Variants in RBFOX1 observed in about 807,000 individuals in gnomAD.
The protein encoded by RBFOX1 is RNA binding fox-1 homolog 1, also known as RNA binding protein fox-1 homolog 1.
In RBFOX1, 8 loss-of-function variants were observed where a neutral mutation model predicts 57.7. That is an observed-to-expected ratio of 0.14 (90% CI 0.08 to 0.25). RBFOX1 has a LOEUF of 0.25. Among genes scored for constraint, RBFOX1 ranks in the 10% least tolerant of loss-of-function variants. The pLI is 1.00. For synonymous variants in RBFOX1, 326 were observed against 222.4 expected, an observed-to-expected ratio of 1.47 and a Z score of -4.15; for missense variants, 611 against 548.5, an observed-to-expected ratio of 1.11 and a Z score of -1.14.
chr16:6,066,677 C>A (rs371522765), intron 1 of RBFOX1, among the ~76,000 whole-genome samples: 3 of 152,000 alleles, frequency 2.0e-5, no homozygotes, highest in Admixed American at 1.3e-4. Context: ...GGAAGTCTCC[C>A]GAAATAGATG....
At chr16:7,101,494 A>G (rs944488468) in intron 4 of RBFOX1, among the ~76,000 whole-genome samples, 7 of 152,174 alleles carry the variant, frequency 4.6e-5, no homozygotes, top group Non-Finnish European at 7.4e-5. Flanking sequence ...ACTGAGATTC[A>G]GAAAGAGACC....
intron 3 of RBFOX1, among the ~76,000 whole-genome samples, chr16:5,641,035 CATGCACACACAT>C (rs1395261255): frequency 6.6e-6 from 1 of 150,906 alleles, no homozygotes; most frequent in East Asian, 2.0e-4. Flanking sequence ...CATAAACACC[CATGCACACACAT>C]ATGCACATAC....
chr16:7,684,261 A>G (rs2075569675), intron 14 of RBFOX1, among the ~76,000 whole-genome samples: 1 of 152,094 alleles, frequency 6.6e-6, no homozygotes, highest in Non-Finnish European at 1.5e-5. Context: ...TTCCTGTGGA[A>G]TTAGGCACTT....
chr16:6,843,461 G>T (rs1168330240), intron 3 of RBFOX1, among the ~76,000 whole-genome samples: 1 of 152,092 alleles, frequency 6.6e-6, no homozygotes, highest in African/African-American at 2.4e-5. Flanking sequence ...GGCTGAGGCG[G>T]GCAGATCACG....
rs141295940 is a variant in RBFOX1, at chr16:6,931,504, C to T, written c.-15-120553C>T. Reference sequence around the variant, plus strand: ...GTAGAACCTACTACATCAATGAGAACACTCATTTTAAGGCTGGGGACATCT... The same window carrying T: ...GTAGAACCTACTACATCAATGAGAATACTCATTTTAAGGCTGGGGACATCT... On this transcript the variant is annotated intron_variant, in intron 3 of 15. Coordinates refer to ENST00000550418, the MANE Select transcript of RBFOX1 (RefSeq NM_018723.4). Among the ~76,000 whole-genome samples, 951 of 152,224 alleles carry T rather than the reference C, an allele frequency of 6.2e-3. 14 individuals are homozygous for T. The highest frequency in any genetic ancestry group is 0.021 in the African/African-American group (870 of 41,542).
rs551705195 is a variant in RBFOX1 at position 6,902,487 on chromosome 16, A to G, written c.-15-149570A>G. On this transcript the variant is annotated intron_variant, in intron 3 of 15. Coordinates refer to ENST00000550418, the MANE Select transcript of RBFOX1 (RefSeq NM_018723.4). ...TTGTAATCCTAGCACTTTGAGAGGC[A>G]GGGTGGGGAGAATCACTTGAGGGCA... Among the ~76,000 whole-genome samples the G allele has an allele frequency of 9.4e-4, 143 of 152,260 alleles. 5 individuals are homozygous for G. In the South Asian group the frequency reaches 0.029, roughly 30 times the overall value.
intron 4 of RBFOX1, among the ~76,000 whole-genome samples, chr16:7,416,685 C>T (rs926243914): frequency 6.6e-6 from 1 of 152,076 alleles, no homozygotes; most frequent in African/African-American, 2.4e-5. Flanking sequence ...CATTTAATCT[C>T]TGAGAAAATA....
chr16:5,901,175 C>G (rs2058297056), intron 4 of RBFOX1, among the ~76,000 whole-genome samples: 3 of 152,214 alleles, frequency 2.0e-5, no homozygotes, highest in Admixed American at 6.5e-5. Flanking sequence ...TGGACCCTCT[C>G]AGCTTACCAT....
At chr16:6,203,321 C>G (rs1203146002) in intron 1 of RBFOX1, among the ~76,000 whole-genome samples, 2 of 152,130 alleles carry the variant, frequency 1.3e-5, no homozygotes, top group Non-Finnish European at 2.9e-5. Context: ...ATTTCAGATT[C>G]CTCCTAATAA....
intron 4 of RBFOX1, among the ~76,000 whole-genome samples, chr16:7,191,642 C>A (rs2085411743): frequency 1.3e-5 from 2 of 152,182 alleles, no homozygotes; most frequent in South Asian, 4.1e-4. Flanking sequence ...TTAAGCTAGG[C>A]ATATCATTAC....
At chr16:6,965,546 A>G (rs1161837973) in intron 3 of RBFOX1, among the ~76,000 whole-genome samples, 1 of 152,178 alleles carries the variant, frequency 6.6e-6, no homozygotes, top group African/African-American at 2.4e-5. Context: ...CATGTTGGCC[A>G]GGCTGGTGTC....
chr16:7,170,166 A>C (rs886216769), intron 4 of RBFOX1, among the ~76,000 whole-genome samples: 1 of 152,220 alleles, frequency 6.6e-6, no homozygotes, highest in African/African-American at 2.4e-5. Flanking sequence ...TCAAATTTCC[A>C]AAACCCCTTT....
chr16:7,688,651 C>T (rs986436497), intron 14 of RBFOX1, among the ~76,000 whole-genome samples: 1 of 152,046 alleles, frequency 6.6e-6, no homozygotes, highest in East Asian at 1.9e-4. Flanking sequence ...TGATATGCGG[C>T]AATCCACAGG....
At chr16:6,501,825 G>A (rs568439188) in intron 2 of RBFOX1, among the ~76,000 whole-genome samples, 10 of 124,796 alleles carry the variant, frequency 8.0e-5, no homozygotes, top group African/African-American at 1.4e-4. Flanking sequence ...ACACTGGGGG[G>A]AAATTCTTCT....
intron 3 of RBFOX1, among the ~76,000 whole-genome samples, chr16:6,906,860 T>G (rs1214873776): frequency 6.6e-6 from 1 of 151,926 alleles, no homozygotes; most frequent in Non-Finnish European, 1.5e-5. Flanking sequence ...GTAGCTGAGA[T>G]TACAGGCACC....
intron 3 of RBFOX1, among the ~76,000 whole-genome samples, chr16:6,901,316 C>G (rs893289614): frequency 3.9e-5 from 6 of 152,298 alleles, no homozygotes; most frequent in African/African-American, 9.6e-5. Flanking sequence ...TTTAGCAACA[C>G]GGCAAGTCAA....
At chr16:5,530,496 C>G (rs907129593) in intron 2 of RBFOX1, among the ~76,000 whole-genome samples, 6 of 152,192 alleles carry the variant, frequency 3.9e-5, no homozygotes, top group Non-Finnish European at 8.8e-5. Context: ...ATAAAGTCTT[C>G]AAGCTAAACT....
intron 1 of RBFOX1, among the ~76,000 whole-genome samples, chr16:5,432,551 G>GTT (rs2067777235): frequency 4.8e-5 from 4 of 83,022 alleles, no homozygotes; most frequent in African/African-American, 1.0e-4. Flanking sequence ...TTTTTTTTTT[G>GTT]TTTGTTTGTT....
intron 3 of RBFOX1, among the ~76,000 whole-genome samples, chr16:7,033,278 G>C (rs890664006): frequency 4.6e-5 from 7 of 152,172 alleles, no homozygotes; most frequent in Admixed American, 4.6e-4. Context: ...CTAGAACTTT[G>C]GGAGGCCGAG....
Sources: gnomAD v4.1 joint callset for allele counts (sites outside exome capture counted in the v4.1 genomes callset) on GRCh38, gnomAD v4.1.1 for gene constraint, MANE v1.5 for transcripts, NCBI Gene and HGNC (gene_info 2026-07-23, HGNC 2026-07-21) for gene names.